The following AASDH variants were observed in gnomAD, a reference collection of about 807,000 sequenced individuals.
AASDH encodes beta-alanine-activating enzyme.
Under a neutral mutation model 102.3 loss-of-function variants are expected in AASDH, and 81 were observed. The ratio of observed to expected loss-of-function variants is 0.79; its 90% confidence interval spans 0.66 to 0.95. The LOEUF (loss-of-function observed/expected upper bound fraction) is 0.95. AASDH is among the 40% of genes least tolerant of loss of function. The pLI, the probability that AASDH is intolerant of heterozygous loss-of-function variation, is 0.00. For missense variants in AASDH, 1,203 were observed against 1,266.2 expected (o/e 0.95, Z 0.76); for synonymous variants, 398 against 454.0 (o/e 0.88, Z 1.57).
chr4:56,381,871 C>T (rs1753010128), intron 3 of AASDH: 1 of 152,066 alleles, frequency 6.6e-6, no homozygotes, highest in Admixed American at 6.6e-5. Context: ...AACACCAATT[C>T]TTGCCCCAAA....
chr4:56,346,253 A>G (rs901760991), intron 11 of AASDH, among the ~76,000 whole-genome samples: 26 of 152,188 alleles, frequency 1.7e-4, no homozygotes, highest in African/African-American at 5.8e-4. Context: ...GCTGCCACTC[A>G]TTTGAGGCCC....
At chr4:56,363,160 G>A (rs1224406851) in intron 5 of AASDH, among the ~76,000 whole-genome samples, 1 of 152,246 alleles carries the variant, frequency 6.6e-6, no homozygotes, top group Non-Finnish European at 1.5e-5. Flanking sequence ...CCGCAAGGCG[G>A]CAGCGAGGCT....
Position 56,371,585 on chromosome 4 carries a change from C to T in AASDH, c.727G>A (p.Asp243Asn), listed in dbSNP as rs188668680. ...VLFLASPLTF[D>N]PSVVEIFLAL... ...AGAAATATTTCCACAACAGAAGGAT[C>T]GAAGGTCAGAGGTGAAGCCAGAAAC... The change falls in exon 5 of 15, where the codon GAT becomes AAT. Residue 243 changes from aspartate (D) to asparagine (N), a missense_variant. By Grantham distance (23) the Asp-to-Asn change is conservative (BLOSUM62 1). Transcript: ENST00000205214. 4.3e-6 allele frequency: 7 copies of T among 1,612,878 alleles called. No homozygotes were observed. The highest frequency in any genetic ancestry group is 2.2e-5 in the East Asian group (1 of 44,842).
At chr4:56,374,499 G>A (rs1330362698) in intron 4 of AASDH, among the ~76,000 whole-genome samples, 1 of 151,992 alleles carries the variant, frequency 6.6e-6, no homozygotes, top group Non-Finnish European at 1.5e-5. Context: ...TCTTCAGAGT[G>A]GTTTTACTCC....
At chr4:56,355,547 ATGGGAAATCCCATT>A in intron 5 of AASDH, 124 bp from the exon 6 acceptor site, 1 of 842,874 alleles carries the variant, frequency 1.2e-6, no homozygotes, top group Admixed American at 3.2e-5. Context: ...TGTTTATCAA[ATGGGAAATCCCATT>A]TGGAAAACTA....
intron 14 of AASDH, among the ~76,000 whole-genome samples, chr4:56,339,206 T>C (rs979917063): frequency 2.0e-5 from 3 of 151,832 alleles, no homozygotes; most frequent in Non-Finnish European, 4.4e-5. Context: ...CAGGCTGGAG[T>C]GCAGTGGCAT....
At position 56,367,740 on chromosome 4, in the gene AASDH, T is replaced by C. The variant is rs1277166459; in HGVS notation, c.861+3711A>G. Among the ~76,000 whole-genome samples, 35 of 150,078 alleles carry C rather than the reference T, an allele frequency of 2.3e-4. No homozygotes were observed. In the East Asian group the frequency reaches 5.2e-3, roughly 22 times the overall value. ...ATTCAAGATGGATTAAAGACTTACA[T>C]GTTAGACCTAAAACCATAAAAACCC... On this transcript the variant is annotated intron_variant, in intron 5 of 14. Coordinates refer to ENST00000205214, the MANE Select transcript of AASDH (RefSeq NM_181806.4).
intron 12 of AASDH, among the ~76,000 whole-genome samples, chr4:56,343,927 G>A (rs561600374): frequency 2.0e-5 from 3 of 152,138 alleles, no homozygotes; most frequent in South Asian, 2.1e-4. Flanking sequence ...GTGTCTGGGC[G>A]CACACATCTG....
intron 1 of AASDH, among the ~76,000 whole-genome samples, chr4:56,385,762 T>A (rs962139439): frequency 1.3e-5 from 2 of 150,860 alleles, no homozygotes; most frequent in African/African-American, 4.9e-5. Flanking sequence ...CATGTCCAAC[T>A]AATTTTTGTT....
chr4:56,370,758 C>T (rs1751597137), intron 5 of AASDH, among the ~76,000 whole-genome samples: 2 of 152,216 alleles, frequency 1.3e-5, no homozygotes, highest in Admixed American at 6.5e-5. Flanking sequence ...AGGAACTATG[C>T]TACACTGTCT....
intron 3 of AASDH, 27 bp from the exon 4 acceptor site, chr4:56,378,491 CAGTATT>C: frequency 6.6e-7 from 1 of 1,513,258 alleles, no homozygotes; most frequent in East Asian, 2.3e-5. Context: ...ACAAAGTTTA[CAGTATT>C]AGTATGTTAA....
intron 3 of AASDH, among the ~76,000 whole-genome samples, chr4:56,378,907 G>A (rs1327425425): frequency 9.4e-5 from 14 of 149,012 alleles, no homozygotes; most frequent in South Asian, 2.1e-4. Context: ...TTTTTGAGAC[G>A]GAGTCTCACT....
intron 5 of AASDH, among the ~76,000 whole-genome samples, chr4:56,360,116 G>A (rs1750124714): frequency 6.6e-6 from 1 of 152,118 alleles, no homozygotes; most frequent in Admixed American, 6.6e-5. Flanking sequence ...TGTGGATAGG[G>A]GAGCTCATTC....
intron 5 of AASDH, among the ~76,000 whole-genome samples, chr4:56,355,634 T>G (rs1257320791): frequency 7.3e-5 from 11 of 151,128 alleles, no homozygotes; most frequent in Admixed American, 2.0e-4. Context: ...TTGTTTGTTT[T>G]TTGAGACAGG....
rs1753094331 is a variant in AASDH, at chr4:56,382,507, C to G, written c.321G>C (p.Lys107Asn). The change falls in exon 3 of 15, where the codon AAG (lysine) becomes AAC (asparagine). Residue 107 changes from lysine (K) to asparagine (N), a missense_variant. Coordinates refer to ENST00000205214, the MANE Select transcript of AASDH (RefSeq NM_181806.4). ...TTTGTTTTTTTTCAACAAGGATATA[C>G]TTTAGATTACATTTTTTCATAAAAT... ...STHFMKKCNL[K>N]YILVEKKQIN... is the part of the protein sequence containing the mutation. 1.9e-6 allele frequency: 3 copies of G among 1,593,984 alleles called. No homozygotes were observed. Among genetic ancestry groups the G allele is most frequent in the Non-Finnish European group, 2.6e-6 (3 of 1,163,892 alleles).
At position 56,353,521 on chromosome 4, in the gene AASDH, C is replaced by A; in HGVS notation, c.1459G>T (p.Val487Leu). Reference protein sequence around the residue: ...YNQEKLILFMVSKDASVKEYI... With the variant: ...YNQEKLILFMLSKDASVKEYI... ...TCTTTTACTGAAGCATCTTTAGACA[C>A]CATGAAGAGAATTAATTTTTCCTGA... Residue 487 changes from valine to leucine, a missense_variant, in exon 9 of 15, where the codon GTG (valine) becomes TTG (leucine). By Grantham distance (32) the Val-to-Leu change is conservative. Coordinates refer to ENST00000205214, the MANE Select transcript of AASDH (RefSeq NM_181806.4). 9 of 1,613,578 alleles carry A rather than the reference C, an allele frequency of 5.6e-6. No individual in the cohort carries two copies. The highest frequency in any genetic ancestry group is 7.6e-6 in the Non-Finnish European group (9 of 1,179,918).
chr4:56,379,449 T>A (rs1256387723), intron 3 of AASDH, among the ~76,000 whole-genome samples: 1 of 152,102 alleles, frequency 6.6e-6, no homozygotes, highest in East Asian at 1.9e-4. Flanking sequence ...GTTGGATGAA[T>A]CCTCGGATAG....
chr4:56,338,767 G>A lies in AASDH; in HGVS notation c.2932C>T (p.Pro978Ser). The change falls in exon 15 of 15, where the codon CCA becomes TCA. Residue 978 changes from proline to serine, a missense_variant. By Grantham distance (74) the Pro-to-Ser change is moderately conservative (BLOSUM62 -1). Coordinates refer to ENST00000205214, the MANE Select transcript of AASDH (RefSeq NM_181806.4). ...EQVWQFSTSG[P>S]IFSSPCTSPS... ...GAGGTACACGGGGATGAAAAGATTG[G>A]TCCACTGGTAGAGAACTGCCAAACC... is the stretch of plus-strand genomic sequence containing the variant. 2 of 1,614,016 alleles carry A rather than the reference G, an allele frequency of 1.2e-6. No homozygotes were observed. Among genetic ancestry groups the A allele is most frequent in the Non-Finnish European group, 1.7e-6 (2 of 1,179,990 alleles).
chr4:56,362,751 G>A (rs1050642055), intron 5 of AASDH, among the ~76,000 whole-genome samples: 13 of 152,148 alleles, frequency 8.5e-5, no homozygotes, highest in Admixed American at 5.9e-4. Flanking sequence ...GATGAACCCT[G>A]GGGGTGGAGC....
Sources: gnomAD v4.1 joint callset for allele counts (sites outside exome capture counted in the v4.1 genomes callset) on GRCh38, gnomAD v4.1.1 for gene constraint, MANE v1.5 for transcripts, NCBI Gene and HGNC (gene_info 2026-07-23, HGNC 2026-07-21) for gene names.